Variants in MYO3B observed in about 807,000 individuals in gnomAD.
MYO3B encodes the protein myosin IIIB, also known as myosin-IIIb.
Under a neutral mutation model 174.6 loss-of-function variants are expected in MYO3B, and 156 were observed. That is an observed-to-expected ratio of 0.89 (90% confidence interval 0.78 to 1.02). The LOEUF (loss-of-function observed/expected upper bound fraction) is 1.02, where lower values mean the gene tolerates loss of function less well. MYO3B is among the 50% of genes least tolerant of loss of function. MYO3B has a pLI of 0.00. For missense variants in MYO3B, 1,632 were observed against 1,639.4 expected, an observed-to-expected ratio of 1.00 and a Z score of 0.08; for synonymous variants, 563 against 569.1, an observed-to-expected ratio of 0.99 and a Z score of 0.15.
intron 1 of MYO3B, among the ~76,000 whole-genome samples, chr2:170,185,038 T>C (rs1238037037): frequency 8.0e-6 from 1 of 124,990 alleles, no homozygotes; most frequent in African/African-American, 2.5e-5. Flanking sequence ...ATTTTTCTTA[T>C]AGAGTTGTTT....
At chr2:170,191,560 T>A (rs977728749) in intron 1 of MYO3B, among the ~76,000 whole-genome samples, 4 of 152,144 alleles carry the variant, frequency 2.6e-5, no homozygotes, top group Non-Finnish European at 5.9e-5. Context: ...GCTTCCTCCG[T>A]GGATGCTGGC....
At position 170,466,524 on chromosome 2, in the gene MYO3B, C is replaced by T. The variant is rs753087360; in HGVS notation, c.2827C>T (p.Leu943Phe). Residue 943 changes from leucine (L) to phenylalanine (F), a missense_variant, in exon 25 of 35, where the codon CTC (leucine) becomes TTC (phenylalanine). By Grantham distance (22) the Leu-to-Phe change is conservative (BLOSUM62 0). Coordinates refer to ENST00000408978, the MANE Select transcript of MYO3B (RefSeq NM_138995.5). ...SYFRYSLMDL[L>F]SKMVVGQPHF... The stretch of plus-strand genomic sequence containing the variant: ...CTGGTAGTATTCTCTGATGGACCTG[C>T]TCTCCAAAATGGTGGTTGGACAGCC... 6.2e-7 allele frequency: 1 copy of T among 1,614,158 alleles called. No homozygotes were observed. Among genetic ancestry groups the T allele is most frequent in the Non-Finnish European group, 8.5e-7 (1 of 1,180,034 alleles).
At chr2:170,314,239 A>G (rs1235353767) in intron 7 of MYO3B, among the ~76,000 whole-genome samples, 2 of 152,054 alleles carry the variant, frequency 1.3e-5, no homozygotes, top group Non-Finnish European at 1.5e-5. Flanking sequence ...TATTTTGCCT[A>G]TTTTCCTGTA....
At chr2:170,433,996 G>A (rs1267831237) in intron 22 of MYO3B, among the ~76,000 whole-genome samples, 1 of 152,114 alleles carries the variant, frequency 6.6e-6, no homozygotes, top group Non-Finnish European at 1.5e-5. Flanking sequence ...AAATGCTAAG[G>A]GAGAAAGTAA....
intron 32 of MYO3B, among the ~76,000 whole-genome samples, chr2:170,560,195 A>C (rs1399439903): frequency 1.3e-5 from 2 of 152,206 alleles, no homozygotes; most frequent in African/African-American, 4.8e-5. Flanking sequence ...ATTTCTAAAA[A>C]ACTACACTTG....
chr2:170,529,682 C>A (rs1201516096), intron 30 of MYO3B, among the ~76,000 whole-genome samples: 1 of 152,174 alleles, frequency 6.6e-6, no homozygotes, highest in African/African-American at 2.4e-5. Flanking sequence ...GAATGAGTTT[C>A]TGCCCAAAAG....
intron 8 of MYO3B, among the ~76,000 whole-genome samples, chr2:170,360,392 T>C (rs1444817391): frequency 6.6e-6 from 1 of 152,126 alleles, no homozygotes; most frequent in Non-Finnish European, 1.5e-5. Flanking sequence ...CCCAAAGGCA[T>C]GAACTTGAAA....
At chr2:170,524,220 C>G (rs940370183) in intron 30 of MYO3B, among the ~76,000 whole-genome samples, 1 of 152,136 alleles carries the variant, frequency 6.6e-6, no homozygotes, top group African/African-American at 2.4e-5. Context: ...GTTGGTGTTA[C>G]TCACTCTATG....
At chr2:170,310,835 T>C (rs1473728372) in intron 7 of MYO3B, among the ~76,000 whole-genome samples, 2 of 152,098 alleles carry the variant, frequency 1.3e-5, no homozygotes, top group Non-Finnish European at 2.9e-5. Flanking sequence ...GATAAAGGAT[T>C]GTGGAGACCC....
chr2:170,371,970 AAG>A (rs1256696846), intron 9 of MYO3B, among the ~76,000 whole-genome samples: 1 of 151,158 alleles, frequency 6.6e-6, no homozygotes, highest in Non-Finnish European at 1.5e-5. Context: ...TAAAAAATAA[AAG>A]AAAAATTAGC....
chr2:170,450,737 T>C (rs1011131671), intron 23 of MYO3B, among the ~76,000 whole-genome samples: 3 of 152,240 alleles, frequency 2.0e-5, no homozygotes, highest in Non-Finnish European at 4.4e-5. Context: ...GCAGTTTTAA[T>C]TAGTTTGACC....
chr2:170,468,026 A>C (rs931354172), intron 25 of MYO3B, among the ~76,000 whole-genome samples: 1 of 152,210 alleles, frequency 6.6e-6, no homozygotes, highest in Non-Finnish European at 1.5e-5. Flanking sequence ...AAACAGGTCA[A>C]ATGCTGAACA....
intron 28 of MYO3B, among the ~76,000 whole-genome samples, chr2:170,509,485 G>A (rs753579043): frequency 6.6e-6 from 1 of 152,188 alleles, no homozygotes; most frequent in Non-Finnish European, 1.5e-5. Flanking sequence ...AATTTTCCAA[G>A]TCTTAACTTA....
intron 32 of MYO3B, among the ~76,000 whole-genome samples, chr2:170,600,507 G>C (rs1694441222): frequency 6.6e-6 from 1 of 152,094 alleles, no homozygotes; most frequent in Non-Finnish European, 1.5e-5. Flanking sequence ...GATTTATAAA[G>C]GGGCAAACCA....
intron 7 of MYO3B, among the ~76,000 whole-genome samples, chr2:170,329,731 C>A (rs1029953563): frequency 1.3e-5 from 2 of 151,978 alleles, no homozygotes; most frequent in African/African-American, 4.8e-5. Flanking sequence ...TCATGTATTA[C>A]AATTAAATGT....
chr2:170,477,109 C>T (rs1328304930), intron 25 of MYO3B, among the ~76,000 whole-genome samples: 1 of 152,186 alleles, frequency 6.6e-6, no homozygotes, highest in East Asian at 1.9e-4. Context: ...CTCAACTGAC[C>T]ATTCTCATTT....
At chr2:170,498,366 G>T (rs554512700) in intron 25 of MYO3B, among the ~76,000 whole-genome samples, 1 of 152,220 alleles carries the variant, frequency 6.6e-6, no homozygotes, top group East Asian at 1.9e-4. Context: ...GAATTACAAA[G>T]CAACATTAAA....
intron 6 of MYO3B, among the ~76,000 whole-genome samples, chr2:170,223,045 C>T (rs377530151): frequency 4.7e-4 from 71 of 152,276 alleles, no homozygotes; most frequent in African/African-American, 1.5e-3. Context: ...TCTGAAGGTA[C>T]AAAGCATACC....
chr2:170,529,188 A>T (rs1418874138), intron 30 of MYO3B, among the ~76,000 whole-genome samples: 1 of 152,154 alleles, frequency 6.6e-6, no homozygotes, highest in Non-Finnish European at 1.5e-5. Flanking sequence ...AACAACAGAC[A>T]CTGGAACCTA....
Sources: gnomAD v4.1 joint callset for allele counts (sites outside exome capture counted in the v4.1 genomes callset) on GRCh38, gnomAD v4.1.1 for gene constraint, MANE v1.5 for transcripts, NCBI Gene and HGNC (gene_info 2026-07-23, HGNC 2026-07-21) for gene names.